CCAR2: variants seen among roughly 807,000 people sequenced by gnomAD.
The protein encoded by CCAR2 is cell cycle and apoptosis regulator 2, also known as cell cycle and apoptosis regulator protein 2.
A neutral mutation model predicts 108.1 loss-of-function variants in CCAR2; 21 were observed. The ratio of observed to expected loss-of-function variants is 0.19; its 90% CI spans 0.14 to 0.28. CCAR2 has a LOEUF of 0.28. CCAR2 is among the 10% of genes least tolerant of loss of function. The pLI is 1.00. For missense variants in CCAR2, 1,126 were observed against 1,177.0 expected (o/e 0.96, Z 0.63); for synonymous variants, 577 against 472.8 (o/e 1.22, Z -2.86).
At chr8:22,615,215 C>A in intron 11 of CCAR2, 1 of 860,916 alleles carries the variant, frequency 1.2e-6, no homozygotes, top group Non-Finnish European at 1.7e-6. Context: ...TGTCCTTGCA[C>A]CTTGTAGGGT....
intron 10 of CCAR2, 25 bp from the exon 11 acceptor site, chr8:22,614,813 T>C (rs1422218444): frequency 1.2e-6 from 2 of 1,611,224 alleles, no homozygotes; most frequent in Non-Finnish European, 1.7e-6. Context: ...GTTTTTTGTT[T>C]TGTATCCCTG....
At chr8:22,610,624 C>T (rs1801236202) in intron 7 of CCAR2, among the ~76,000 whole-genome samples, 1 of 152,218 alleles carries the variant, frequency 6.6e-6, no homozygotes, top group Non-Finnish European at 1.5e-5. Flanking sequence ...CCCATCGGGG[C>T]TAGAGAAGAA....
rs767011807 is a variant in CCAR2, at chr8:22,614,192, C to G, written c.805C>G (p.Leu269Val). Residue 269 changes from leucine to valine, a missense_variant, in exon 9 of 21, where the codon CTG (leucine) becomes GTG (valine). Around this residue, in one of 4 missense-constraint regions of CCAR2, gnomAD observed 1,013 missense variants for 993.9 expected, o/e 1.02. Coordinates refer to ENST00000308511, the MANE Select transcript of CCAR2 (RefSeq NM_001393997.1). The part of the protein sequence containing the change: ...VHLSWLSAFP[L>V]SQPFSLHHPS... ...TCTGAGTTGGCTATCAGCCTTCCCC[C>G]TGAGCCAGCCCTTTTCCCTCCATCA... The G allele has an allele frequency of 6.2e-7, 1 of 1,614,142 alleles. No individual in the cohort carries two copies. The highest frequency in any genetic ancestry group is 8.5e-7 in the Non-Finnish European group (1 of 1,180,044).
In CCAR2 at chr8:22,619,186, C is replaced by G. The variant is rs199665643; in HGVS notation, c.2558C>G (p.Thr853Ser). Reference sequence around the variant, plus strand: ...AACCGTTTCTCAGCCACTGAAGTAACCAATAAGACGCTGGCGGCAGAGATG... The same window carrying G: ...AACCGTTTCTCAGCCACTGAAGTAAGCAATAAGACGCTGGCGGCAGAGATG... ...SHNRFSATEV[T>S]NKTLAAEMQE... Residue 853 changes from threonine (T) to serine (S), a missense_variant, in exon 20 of 21, where the codon ACC becomes AGC. Coordinates refer to ENST00000308511, the MANE Select transcript of CCAR2 (RefSeq NM_001393997.1). 1 of 1,597,282 alleles carries G rather than the reference C, an allele frequency of 6.3e-7. No homozygotes were observed. Among genetic ancestry groups the G allele is most frequent in the East Asian group, 2.3e-5 (1 of 44,316 alleles).
intron 1 of CCAR2, 24 bp from the exon 2 acceptor site, chr8:22,605,712 A>G: frequency 7.1e-7 from 1 of 1,405,878 alleles, no homozygotes; most frequent in Non-Finnish European, 1.0e-6. Flanking sequence ...ATAAGCTGTT[A>G]ATTTCTTTCT....
rs779776571 is a variant in CCAR2, at chr8:22,618,863, C to G, written c.2369C>G (p.Thr790Arg). 2 of 1,613,964 alleles carry G rather than the reference C, an allele frequency of 1.2e-6. No individual in the cohort carries two copies. Among genetic ancestry groups the G allele is most frequent in the Non-Finnish European group, 8.5e-7 (1 of 1,180,004 alleles). ...CTGCTGCCCCCTCCTGGGAAAAGCA[C>G]GAAGCCAGGTGCTGCCCCCACAGAA... is the stretch of plus-strand genomic sequence containing the variant. Reference protein sequence around the residue: ...LDLLPPPGKSTKPGAAPTEHK... With the variant: ...LDLLPPPGKSRKPGAAPTEHK... Residue 790 changes from threonine to arginine, a missense_variant, in exon 19 of 21, where the codon ACG becomes AGG. By Grantham distance (71) the Thr-to-Arg change is moderately conservative (BLOSUM62 -1). Coordinates refer to ENST00000308511, the MANE Select transcript of CCAR2 (RefSeq NM_001393997.1).
intron 6 of CCAR2, among the ~76,000 whole-genome samples, chr8:22,607,552 C>T (rs892354514): frequency 4.0e-5 from 6 of 150,176 alleles, no homozygotes; most frequent in African/African-American, 1.2e-4. Context: ...ATTGCAACCT[C>T]TGCCTCCTGG....
At chr8:22,606,275 T>C in intron 3 of CCAR2, 99 bp downstream of exon 3, 1 of 1,062,424 alleles carries the variant, frequency 9.4e-7, no homozygotes, top group Non-Finnish European at 1.4e-6. Context: ...TTATCATTCC[T>C]GATCCCTCTC....
At chr8:22,612,038 C>A (rs561887356) in intron 7 of CCAR2, among the ~76,000 whole-genome samples, 2 of 151,710 alleles carry the variant, frequency 1.3e-5, no homozygotes, top group Non-Finnish European at 2.9e-5. Flanking sequence ...TCCGCCTCCC[C>A]GGTTCAAGCG....
intron 14 of CCAR2, 98 bp downstream of exon 14, chr8:22,616,346 T>G: frequency 9.2e-7 from 1 of 1,091,626 alleles, no homozygotes; most frequent in Admixed American, 1.9e-5. Flanking sequence ...CTTAGCTCAT[T>G]CCCTGCACCC....
rs778840164 is a variant in CCAR2 at position 22,615,815 on chromosome 8, C to T, written c.1511C>T (p.Pro504Leu). Reference protein sequence around the residue: ...DTDLPEAPPPPLEPAVIARPG... With the variant: ...DTDLPEAPPPLLEPAVIARPG... ...GATCTCCCAGAGGCCCCTCCACCCC[C>T]CCTAGAACCTGCTGTCATCGCACGC... is the stretch of plus-strand genomic sequence containing the variant. Residue 504 changes from proline (P) to leucine (L), a missense_variant, in exon 13 of 21, where the codon CCC becomes CTC. Physicochemically the swap from Pro to Leu is moderately conservative, Grantham distance 98. This residue lies in a region of CCAR2 where 1,013 missense variants were observed against 993.9 expected (regional missense o/e 1.02). Coordinates refer to ENST00000308511, the MANE Select transcript of CCAR2 (RefSeq NM_001393997.1). 6.2e-6 allele frequency: 10 copies of T among 1,613,878 alleles called. No individual in the cohort carries two copies. The highest frequency in any genetic ancestry group is 7.6e-6 in the Non-Finnish European group (9 of 1,180,036).
chr8:22,620,012 A>AAGAC lies in CCAR2; in HGVS notation c.*333_*336dup, dbSNP rs1293503551. The AAGAC allele has an allele frequency of 2.1e-4, 70 of 340,458 alleles. 1 individual carries two copies. Among genetic ancestry groups the AAGAC allele is most frequent in the South Asian group, 1.4e-3 (37 of 25,714 alleles). The allele number at this position is 340,458 out of a possible 1,614,324, so 21.1% of individuals were successfully genotyped here. ...CTCCTGTCCTCTTCCAGTTTAGAAT[A>AAGAC]AGACAGGGGAGAAAAAGGCTTTTCG... On this transcript the variant is annotated 3_prime_UTR_variant, in exon 21 of 21. Coordinates refer to ENST00000308511, the MANE Select transcript of CCAR2 (RefSeq NM_001393997.1).
chr8:22,611,945 C>CT (rs569460220), intron 7 of CCAR2, among the ~76,000 whole-genome samples: 1,807 of 88,302 alleles, frequency 0.02, 18 homozygotes, highest in East Asian at 0.092. Flanking sequence ...AACTGTCTCT[C>CT]TTTTTTTTTT....
rs1160010567 is a variant in CCAR2, at chr8:22,620,405, T to TATAAAGTTGG, written c.*724_*733dup. On this transcript the variant is annotated 3_prime_UTR_variant, in exon 21 of 21. Transcript: ENST00000308511. ...TCCGTGGTTTCAGTTTGACTTTGTATATAAAGTTGGGGTTTTTTTTTTTTT... is the reference window on the plus strand; with the variant it reads ...TCCGTGGTTTCAGTTTGACTTTGTATATAAAGTTGGATAAAGTTGGGGTTTTTTTTTTTTT... 6.7e-6 allele frequency: 1 copy of TATAAAGTTGG among 148,782 alleles called. No homozygotes were observed. The highest frequency in any genetic ancestry group is 1.5e-5 in the Non-Finnish European group (1 of 67,382). The allele number at this position is 148,782 out of a possible 1,614,324, so 9.2% of individuals were successfully genotyped here.
chr8:22,612,377 C>T (rs973223684), intron 7 of CCAR2, among the ~76,000 whole-genome samples: 4 of 152,222 alleles, frequency 2.6e-5, no homozygotes, highest in South Asian at 2.1e-4. Flanking sequence ...AAGCGATTCT[C>T]CTGCCTCACC....
intron 19 of CCAR2, 23 bp from the exon 20 acceptor site, chr8:22,619,127 C>A: frequency 6.2e-7 from 1 of 1,603,382 alleles, no homozygotes; most frequent in East Asian, 2.2e-5. Flanking sequence ...GCAGCCGTCC[C>A]CGTTTCCTTC....
chr8:22,607,031 A>G lies in CCAR2; in HGVS notation c.357+7A>G, dbSNP rs1204152429. Reference sequence around the variant, plus strand: ...GCAAACGCTCTCCAACCAGGTATTCATATCTCCTTAGCATGTGCATTGGAA... The same window carrying G: ...GCAAACGCTCTCCAACCAGGTATTCGTATCTCCTTAGCATGTGCATTGGAA... On this transcript the variant is annotated splice_region_variant and intron_variant, in intron 5 of 20. Coordinates refer to ENST00000308511, the MANE Select transcript of CCAR2 (RefSeq NM_001393997.1). 4 of 1,613,644 alleles carry G rather than the reference A, an allele frequency of 2.5e-6. No individual in the cohort carries two copies. Among genetic ancestry groups the G allele is most frequent in the African/African-American group, 2.7e-5 (2 of 74,920 alleles).
intron 2 of CCAR2, 99 bp downstream of exon 2, chr8:22,605,930 C>T (rs1394531136): frequency 3.0e-5 from 41 of 1,358,578 alleles, no homozygotes; most frequent in Non-Finnish European, 4.2e-5. Context: ...TGCTGATGTT[C>T]CTCTGGAAAG....
chr8:22,615,218 T>G (rs1181645008), intron 11 of CCAR2: 3 of 851,510 alleles, frequency 3.5e-6, no homozygotes, highest in Non-Finnish European at 5.3e-6. Flanking sequence ...CCTTGCACCT[T>G]GTAGGGTGCT....
Sources: allele counts gnomAD v4.1 joint callset (sites outside exome capture counted in the v4.1 genomes callset), GRCh38; gene constraint gnomAD v4.1.1; regional missense constraint gnomAD v4.1.1; transcripts MANE v1.5; gene names NCBI Gene and HGNC (gene_info 2026-07-23, HGNC 2026-07-21).